The following CLSTN2 variants were observed in gnomAD, a reference collection of about 807,000 sequenced individuals.
CLSTN2 encodes the protein calsyntenin 2.
Under a neutral mutation model 101.2 loss-of-function variants are expected in CLSTN2, and 48 were observed. The ratio of observed to expected loss-of-function variants is 0.47; its 90% CI spans 0.38 to 0.60. CLSTN2 has a LOEUF of 0.60. Among genes scored for constraint, CLSTN2 ranks in the 20% least tolerant of loss-of-function variants. CLSTN2 has a pLI of 0.00. For missense variants in CLSTN2, 1,160 were observed against 1,238.2 expected, an observed-to-expected ratio of 0.94 and a Z score of 0.95; for synonymous variants, 481 against 463.6, an observed-to-expected ratio of 1.04 and a Z score of -0.48.
chr3:140,336,804 G>T (rs2087446032), intron 2 of CLSTN2, among the ~76,000 whole-genome samples: 1 of 152,218 alleles, frequency 6.6e-6, no homozygotes, highest in East Asian at 1.9e-4. Context: ...TTGTGCTGCA[G>T]AGAACTGGTT....
At position 140,564,147 on chromosome 3, in the gene CLSTN2, T is replaced by A; in HGVS notation, c.2667+2T>A. 3 of 1,613,362 alleles carry A rather than the reference T, an allele frequency of 1.9e-6. No individual in the cohort carries two copies. The highest frequency in any genetic ancestry group is 2.2e-5 in the South Asian group (2 of 91,022). On this transcript the variant is annotated splice_donor_variant, in intron 16 of 16. Coordinates refer to ENST00000458420, the MANE Select transcript of CLSTN2 (RefSeq NM_022131.3). LOFTEE classifies it high-confidence loss of function. ...ACTATCACAGTCAACCCCATGGAGG[T>A]GATCCTCATGCACGGCTGGGAGTTC...
In CLSTN2 at chr3:139,994,982, A is replaced by G. The variant is rs145563100; in HGVS notation, c.109+59499A>G. Among the ~76,000 whole-genome samples, 602 of 152,368 alleles carry G rather than the reference A, an allele frequency of 4.0e-3. 6 individuals are homozygous for G. The highest frequency in any genetic ancestry group is 0.013 in the African/African-American group (559 of 41,588). On this transcript the variant is annotated intron_variant, in intron 1 of 16. Transcript: ENST00000458420. Reference sequence around the variant, plus strand: ...AGACTTTGGCTTTAAACCAAAAGAAAGAACCATGCATCACGGGTGCCTCAG... The same window carrying G: ...AGACTTTGGCTTTAAACCAAAAGAAGGAACCATGCATCACGGGTGCCTCAG...
At chr3:140,117,079 C>T (rs2350498) in intron 1 of CLSTN2, among the ~76,000 whole-genome samples, 71,771 of 151,940 alleles carry the variant, frequency 0.47, 17,259 homozygotes, top group Non-Finnish European at 0.49. Flanking sequence ...TGCACTGTGG[C>T]GTTTCCTGTG....
intron 2 of CLSTN2, among the ~76,000 whole-genome samples, chr3:140,394,221 T>G (rs952947934): frequency 1.3e-4 from 20 of 151,772 alleles, no homozygotes; most frequent in Non-Finnish European, 2.4e-4. Flanking sequence ...ATGATGACCA[T>G]AGGACAATGG....
intron 1 of CLSTN2, among the ~76,000 whole-genome samples, chr3:139,944,440 A>T (rs1935184927): frequency 6.6e-6 from 1 of 152,216 alleles, no homozygotes; most frequent in South Asian, 2.1e-4. Context: ...TGCCCAGCCA[A>T]GACTGAGAAC....
Position 140,403,768 on chromosome 3 carries a change from C to T in CLSTN2, c.372C>T (p.Ile124=), listed in dbSNP as rs74507604. ...CELQKEYTFI[I]QAYDCGAGPH... is the part of the protein sequence containing the mutation. ...TGCAGAAGGAGTACACATTCATCAT[C>T]CAGGCCTATGACTGTGGTGCTGGGC... is the stretch of plus-strand genomic sequence containing the variant. The change falls in exon 3 of 17, where the codon ATC becomes ATT. Residue 124 remains isoleucine (I), a synonymous_variant. Coordinates refer to ENST00000458420, the MANE Select transcript of CLSTN2 (RefSeq NM_022131.3). The T allele has an allele frequency of 2.4e-5, 39 of 1,614,014 alleles. No individual in the cohort carries two copies. Among genetic ancestry groups the T allele is most frequent in the Non-Finnish European group, 3.1e-5 (36 of 1,180,022 alleles).
chr3:140,071,583 G>A (rs1378595119), intron 1 of CLSTN2, among the ~76,000 whole-genome samples: 1 of 152,236 alleles, frequency 6.6e-6, no homozygotes, highest in Non-Finnish European at 1.5e-5. Flanking sequence ...TGTAATCCCA[G>A]CCCTTTGGGA....
At chr3:140,203,461 G>GTTTTTTTTTTTTTT (rs58182333) in intron 2 of CLSTN2, among the ~76,000 whole-genome samples, 3 of 67,918 alleles carry the variant, frequency 4.4e-5, no homozygotes, top group Non-Finnish European at 8.3e-5. Context: ...GAAAGTGTGG[G>GTTTTTTTTTTTTTT]TTTTTTTTTT....
In CLSTN2 at chr3:140,049,896, T is replaced by C. The variant is rs1459256446; in HGVS notation, c.109+114413T>C. ...GTCCCTCCAGATCTCTTCTCTACTT[T>C]CTCTATTCTGTTTTGGGCCCCAGGA... is the stretch of plus-strand genomic sequence containing the variant. On this transcript the variant is annotated intron_variant, in intron 1 of 16. Coordinates refer to ENST00000458420, the MANE Select transcript of CLSTN2 (RefSeq NM_022131.3). Among the ~76,000 whole-genome samples, 2 of 152,192 alleles carry C rather than the reference T, an allele frequency of 1.3e-5. 1 individual carries two copies. Among genetic ancestry groups the C allele is most frequent in the African/African-American group, 4.8e-5 (2 of 41,438 alleles).
intron 2 of CLSTN2, among the ~76,000 whole-genome samples, chr3:140,196,642 C>G (rs2010646890): frequency 6.6e-6 from 1 of 152,152 alleles, no homozygotes; most frequent in African/African-American, 2.4e-5. Flanking sequence ...TTACAACCAG[C>G]ATAAACATCC....
At chr3:140,305,002 T>C (rs2087097711) in intron 2 of CLSTN2, among the ~76,000 whole-genome samples, 1 of 151,412 alleles carries the variant, frequency 6.6e-6, no homozygotes, top group Admixed American at 6.6e-5. Context: ...CTGGAGGACA[T>C]AGCTGTCACA....
rs182583855 is a variant in CLSTN2 at position 140,037,336 on chromosome 3, G to A, written c.109+101853G>A. On this transcript the variant is annotated intron_variant, in intron 1 of 16. Coordinates refer to ENST00000458420, the MANE Select transcript of CLSTN2 (RefSeq NM_022131.3). The stretch of plus-strand genomic sequence containing the variant: ...GTAGCCTGGATTGATAAAAGATAAG[G>A]ACCTCTTTTTTCCCCTAATCAATTG... Among the ~76,000 whole-genome samples the A allele has an allele frequency of 1.3e-3, 195 of 152,074 alleles. 1 individual carries two copies. The highest frequency in any genetic ancestry group is 4.5e-3 in the African/African-American group (188 of 41,478).
intron 2 of CLSTN2, among the ~76,000 whole-genome samples, chr3:140,267,077 G>C (rs941292815): frequency 6.6e-6 from 1 of 152,124 alleles, no homozygotes; most frequent in South Asian, 2.1e-4. Context: ...TTGGAAACCA[G>C]GTCTACCTGG....
intron 1 of CLSTN2, among the ~76,000 whole-genome samples, chr3:140,100,406 G>C (rs552672133): frequency 6.6e-6 from 1 of 152,274 alleles, no homozygotes; most frequent in South Asian, 2.1e-4. Flanking sequence ...CTATGGCAAT[G>C]CTACCTTATC....
chr3:140,452,922 A>T (rs1933285175), intron 6 of CLSTN2, among the ~76,000 whole-genome samples: 1 of 152,188 alleles, frequency 6.6e-6, no homozygotes, highest in African/African-American at 2.4e-5. Flanking sequence ...ACTTCCTCTG[A>T]ATTCATAGCT....
intron 1 of CLSTN2, among the ~76,000 whole-genome samples, chr3:140,118,638 CT>C (rs760695135): frequency 1.1e-4 from 17 of 152,104 alleles, no homozygotes; most frequent in Non-Finnish European, 1.9e-4. Flanking sequence ...GATAGAAGGC[CT>C]TAGAATGAGT....
At chr3:140,402,433 A>G (rs545978604) in intron 2 of CLSTN2, among the ~76,000 whole-genome samples, 16 of 152,358 alleles carry the variant, frequency 1.1e-4, no homozygotes, top group African/African-American at 3.4e-4. Context: ...TTGATATAAA[A>G]TACTTGCCTT....
At chr3:140,169,567 T>G (rs2010182071) in intron 1 of CLSTN2, among the ~76,000 whole-genome samples, 1 of 152,196 alleles carries the variant, frequency 6.6e-6, no homozygotes, top group South Asian at 2.1e-4. Flanking sequence ...AAGCATTTAT[T>G]CTTTCACCAT....
At chr3:140,384,979 G>T (rs150280562) in intron 2 of CLSTN2, among the ~76,000 whole-genome samples, 3 of 152,326 alleles carry the variant, frequency 2.0e-5, no homozygotes, top group East Asian at 3.9e-4. Context: ...GCTTGGTTTA[G>T]TGTGTGGGCA....
Sources: gnomAD v4.1 joint callset for allele counts (sites outside exome capture counted in the v4.1 genomes callset) on GRCh38, gnomAD v4.1.1 for gene constraint, MANE v1.5 for transcripts, NCBI Gene and HGNC (gene_info 2026-07-23, HGNC 2026-07-21) for gene names.